Variants in PDHX observed in about 807,000 individuals in gnomAD.
PDHX encodes pyruvate dehydrogenase complex component X.
PDHX carries 33 observed loss-of-function variants against 55.3 expected under a neutral mutation model. The observed-to-expected ratio is 0.60, with a 90% CI of 0.45 to 0.80. The LOEUF is 0.80. Ranked by LOEUF, PDHX falls within the 30% of genes least tolerant of loss-of-function variation. The probability of loss-of-function intolerance (pLI) is 0.00; values close to 1 mark genes in which losing one functional copy is unlikely to be tolerated. For missense variants in PDHX, 622 were observed against 619.9 expected, an observed-to-expected ratio of 1.00 and a Z score of -0.04; for synonymous variants, 226 against 219.4, an observed-to-expected ratio of 1.03 and a Z score of -0.27.
Position 34,995,119 on chromosome 11 carries a change from AG to A in PDHX, c.1455del (p.Arg485SerfsTer10). 6.2e-7 allele frequency: 1 copy of A among 1,614,080 alleles called. No individual in the cohort carries two copies. The highest frequency in any genetic ancestry group is 1.1e-5 in the South Asian group (1 of 91,084). ...SRVVDDELAT[R>X]FLKSFKANLE... ...AGTGGTTGATGACGAACTGGCAACC[AG>A]GTTTCTTAAAAGTTTTAAAGCAAAC... On this transcript the variant is annotated frameshift_variant, in exon 11 of 11. Transcript: ENST00000227868. LOFTEE classifies it high-confidence loss of function.
chr11:34,971,786 G>C (rs1855263452), intron 7 of PDHX, among the ~76,000 whole-genome samples: 1 of 152,000 alleles, frequency 6.6e-6, no homozygotes, highest in Non-Finnish European at 1.5e-5. Flanking sequence ...TAGTGGAATG[G>C]GTTGGAAAAC....
rs958383156 is a variant in PDHX at position 34,916,679 on chromosome 11, C to T, written c.24C>T (p.Gly8=). 4.3e-6 allele frequency: 7 copies of T among 1,611,242 alleles called. No homozygotes were observed. The highest frequency in any genetic ancestry group is 1.3e-5 in the African/African-American group (1 of 74,902). The change falls in exon 1 of 11, where the codon GGC becomes GGT. Residue 8 remains glycine, a synonymous_variant. Transcript: ENST00000227868. ...AGATGGCGGCCTCCTGGAGGCTGGG[C>T]TGTGATCCGCGGCTGCTGCGTTATC... The part of the protein sequence containing the change: MAASWRL[G]CDPRLLRYLV...
intron 2 of PDHX, among the ~76,000 whole-genome samples, chr11:34,938,434 T>C (rs1346645503): frequency 1.3e-5 from 2 of 152,226 alleles, no homozygotes; most frequent in Non-Finnish European, 1.5e-5. Flanking sequence ...CTGCTATCTT[T>C]TAAAATAATT....
intron 9 of PDHX, among the ~76,000 whole-genome samples, chr11:34,986,705 G>A (rs950874428): frequency 6.6e-6 from 1 of 152,130 alleles, no homozygotes; most frequent in African/African-American, 2.4e-5. Flanking sequence ...AAGTTTAAGA[G>A]GTAAGAACGC....
chr11:34,995,224 C>G lies in PDHX; in HGVS notation c.*52C>G. Reference sequence around the variant, plus strand: ...AGCTTAGTTGATTCAGTAGTTGTTACCAAGAAACATATGTTATAGGAAAAC... The same window carrying G: ...AGCTTAGTTGATTCAGTAGTTGTTAGCAAGAAACATATGTTATAGGAAAAC... On this transcript the variant is annotated 3_prime_UTR_variant, in exon 11 of 11. Coordinates refer to ENST00000227868, the MANE Select transcript of PDHX (RefSeq NM_003477.3). 1.3e-6 allele frequency: 2 copies of G among 1,583,678 alleles called. No homozygotes were observed. Among genetic ancestry groups the G allele is most frequent in the African/African-American group, 1.3e-5 (1 of 74,306 alleles).
At chr11:34,973,110 G>A (rs1855291262) in intron 7 of PDHX, among the ~76,000 whole-genome samples, 2 of 152,166 alleles carry the variant, frequency 1.3e-5, no homozygotes, top group Admixed American at 6.6e-5. Context: ...CATGTATCCT[G>A]AAGATCTATT....
intron 2 of PDHX, among the ~76,000 whole-genome samples, chr11:34,934,164 A>G (rs1483404066): frequency 6.6e-6 from 1 of 152,226 alleles, no homozygotes; most frequent in Non-Finnish European, 1.5e-5. Flanking sequence ...CTGGTAAAAT[A>G]GTATAGCCAG....
chr11:34,975,988 A>G (rs1053787903), intron 7 of PDHX, among the ~76,000 whole-genome samples: 2 of 152,200 alleles, frequency 1.3e-5, no homozygotes, highest in East Asian at 1.9e-4. Context: ...AGAAGTTTCT[A>G]AAAAATGAAC....
At chr11:34,993,600 G>C (rs148513633) in intron 10 of PDHX, among the ~76,000 whole-genome samples, 1 of 152,094 alleles carries the variant, frequency 6.6e-6, no homozygotes, top group African/African-American at 2.4e-5. Context: ...TGTTGGTCTA[G>C]TTCTGTGCTA....
intron 7 of PDHX, among the ~76,000 whole-genome samples, chr11:34,971,659 T>G (rs1249121514): frequency 6.6e-6 from 1 of 152,164 alleles, no homozygotes; most frequent in Non-Finnish European, 1.5e-5. Context: ...CCTTCTCATA[T>G]ATTGTTTGAT....
intron 1 of PDHX, among the ~76,000 whole-genome samples, chr11:34,927,117 A>C (rs1854044245): frequency 1.3e-5 from 2 of 152,120 alleles, no homozygotes; most frequent in African/African-American, 4.8e-5. Context: ...GTCATTTAAA[A>C]ATTTTTAAAA....
At chr11:34,969,222 TTATGA>T (rs1305507955) in intron 6 of PDHX, among the ~76,000 whole-genome samples, 1 of 152,230 alleles carries the variant, frequency 6.6e-6, no homozygotes, top group African/African-American at 2.4e-5. Context: ...GCACTTTGAC[TTATGA>T]TATTTTAAAC....
At position 34,963,118 on chromosome 11, in the gene PDHX, T is replaced by C. The variant is rs551998424; in HGVS notation, c.641+2600T>C. Among the ~76,000 whole-genome samples the C allele has an allele frequency of 6.6e-5, 10 of 152,314 alleles. No individual in the cohort carries two copies. In the South Asian group the frequency reaches 2.1e-3, roughly 32 times the overall value. On this transcript the variant is annotated intron_variant, in intron 5 of 10. Coordinates refer to ENST00000227868, the MANE Select transcript of PDHX (RefSeq NM_003477.3). The stretch of plus-strand genomic sequence containing the variant: ...ATTATTGAGGATTTTTGCTTTTCTA[T>C]ACTGCTAAAAATGCCTGCATTTTAA...
At chr11:34,940,122 C>T (rs1158071912) in intron 2 of PDHX, among the ~76,000 whole-genome samples, 1 of 151,858 alleles carries the variant, frequency 6.6e-6, no homozygotes, top group Admixed American at 6.5e-5. Flanking sequence ...TTTTTTTCCT[C>T]AGAATATTTG....
At chr11:34,981,995 CTTTAG>C (rs1165542342) in intron 8 of PDHX, among the ~76,000 whole-genome samples, 1 of 152,112 alleles carries the variant, frequency 6.6e-6, no homozygotes, top group Non-Finnish European at 1.5e-5. Flanking sequence ...TGCAGAAGCT[CTTTAG>C]TTTAATGAGA....
At position 34,931,501 on chromosome 11, in the gene PDHX, C is replaced by T; in HGVS notation, c.241+17C>T. 2 of 1,431,448 alleles carry T rather than the reference C, an allele frequency of 1.4e-6. No homozygotes were observed. Among genetic ancestry groups the T allele is most frequent in the Non-Finnish European group, 2.0e-6 (2 of 1,018,688 alleles). The allele number at this position is 1,431,448 out of a possible 1,614,324, so 88.7% of individuals were successfully genotyped here. On this transcript the variant is annotated intron_variant, in intron 2 of 10. Coordinates refer to ENST00000227868, the MANE Select transcript of PDHX (RefSeq NM_003477.3). ...AAAAGGAAGGTGAGGAGGTACCTTC[C>T]TAATGTCCTGTGTGCTTTGTTATTT... is the stretch of plus-strand genomic sequence containing the variant.
At chr11:34,916,400 C>A (rs1245921261), upstream of PDHX, 1 of 1,516,356 alleles carries the variant, frequency 6.6e-7, no homozygotes, top group Non-Finnish European at 8.9e-7. Flanking sequence ...GAGGGCAGCC[C>A]GGGGGCGGGG....
intron 8 of PDHX, among the ~76,000 whole-genome samples, chr11:34,982,185 G>A (rs1172925198): frequency 6.6e-6 from 1 of 152,174 alleles, no homozygotes; most frequent in Admixed American, 6.5e-5. Flanking sequence ...TGTATAAGGT[G>A]TAAGGAAGAG....
chr11:34,955,182 A>G (rs1227525193), intron 3 of PDHX, among the ~76,000 whole-genome samples: 1 of 152,156 alleles, frequency 6.6e-6, no homozygotes. Flanking sequence ...GAGTGTATCC[A>G]TGGAGGTACC....
Sources: gnomAD v4.1 joint callset for allele counts (sites outside exome capture counted in the v4.1 genomes callset) on GRCh38, gnomAD v4.1.1 for gene constraint, MANE v1.5 for transcripts, NCBI Gene and HGNC (gene_info 2026-07-23, HGNC 2026-07-21) for gene names.